The following ZDHHC11 variants were observed in gnomAD, a reference collection of about 807,000 sequenced individuals.
The protein encoded by ZDHHC11 is palmitoyltransferase ZDHHC11.
In ZDHHC11, 44 loss-of-function variants were observed where a neutral mutation model predicts 51.3. The ratio of observed to expected loss-of-function variants is 0.86; its 90% confidence interval spans 0.67 to 1.10. The LOEUF (loss-of-function observed/expected upper bound fraction) is 1.10, where lower values mean the gene tolerates loss of function less well. Among genes scored for constraint, ZDHHC11 ranks in the 50% least tolerant of loss-of-function variants. ZDHHC11 has a pLI of 0.00. For missense variants in ZDHHC11, 400 were observed against 537.7 expected, an observed-to-expected ratio of 0.74 and a Z score of 2.53; for synonymous variants, 163 against 222.0, an observed-to-expected ratio of 0.73 and a Z score of 2.36.
At chr5:808,365 T>C (rs1179160150) in intron 11 of ZDHHC11, among the ~76,000 whole-genome samples, 10 of 151,642 alleles carry the variant, frequency 6.6e-5, no homozygotes, top group Non-Finnish European at 1.5e-4. Flanking sequence ...CTCTCCTCTC[T>C]AGCTCCTCTG....
chr5:840,028 A>G, intron 5 of ZDHHC11: 2 of 593,534 alleles, frequency 3.4e-6, no homozygotes, highest in Non-Finnish European at 6.0e-6. Flanking sequence ...CCACTGTGAG[A>G]CCAAGCAAGA....
chr5:834,891 ATGTGACT>A (rs1184396573), intron 6 of ZDHHC11, among the ~76,000 whole-genome samples: 3 of 151,962 alleles, frequency 2.0e-5, no homozygotes, highest in African/African-American at 7.2e-5. Context: ...CCAGAAATTC[ATGTGACT>A]TGTTTTACTG....
intron 4 of ZDHHC11, chr5:840,901 G>C (rs1744746214): frequency 1.4e-6 from 2 of 1,422,568 alleles, no homozygotes; most frequent in Admixed American, 2.8e-5. Context: ...TAAGTGCCGG[G>C]GTCACAGTGC....
At chr5:797,079 C>A (rs537620843) in intron 12 of ZDHHC11, among the ~76,000 whole-genome samples, 1 of 150,976 alleles carries the variant, frequency 6.6e-6, no homozygotes, top group Admixed American at 6.6e-5. Context: ...TGGTGGTGGG[C>A]AACTGTAGGC....
rs547713374 is a variant in ZDHHC11, at chr5:835,489, C to T, written c.901-1682G>A. 3.4e-3 allele frequency among the ~76,000 whole-genome samples: 506 copies of T among 146,706 alleles called. 6 individuals carry two copies. Among genetic ancestry groups the T allele is most frequent in the Middle Eastern group, 0.024 (7 of 290 alleles). ...CTGTCAGCGCCACCTGTCTTTAGTG[C>T]TACAGCTTTATAGTAACATTTAAAG... On this transcript the variant is annotated intron_variant, in intron 6 of 12. Coordinates refer to ENST00000283441, the MANE Select transcript of ZDHHC11 (RefSeq NM_024786.3).
At chr5:838,616 G>C (rs1744277595) in intron 5 of ZDHHC11, among the ~76,000 whole-genome samples, 1 of 152,162 alleles carries the variant, frequency 6.6e-6, no homozygotes, top group African/African-American at 2.4e-5. Flanking sequence ...GGTGGGGACA[G>C]GCCTGGGCGT....
At chr5:834,857 G>A (rs372281782) in intron 6 of ZDHHC11, among the ~76,000 whole-genome samples, 25 of 151,988 alleles carry the variant, frequency 1.6e-4, no homozygotes, top group Admixed American at 2.6e-4. Context: ...TCATGTAAAC[G>A]TAACTTTTAT....
intron 7 of ZDHHC11, among the ~76,000 whole-genome samples, chr5:829,273 A>T (rs988333849): frequency 6.6e-6 from 1 of 151,390 alleles, no homozygotes; most frequent in African/African-American, 2.4e-5. Context: ...CAAGAAAAGA[A>T]GAGAAAAGAT....
At chr5:858,790 C>T (rs552713635) in intron 1 of ZDHHC11, among the ~76,000 whole-genome samples, 1 of 152,072 alleles carries the variant, frequency 6.6e-6, no homozygotes, top group South Asian at 2.1e-4. Flanking sequence ...TGCTGTGTTG[C>T]CTTTACTGCT....
chr5:858,907 A>C (rs1213149739), exon 1 of ZDHHC11, among the ~76,000 whole-genome samples: 1 of 152,040 alleles, frequency 6.6e-6, no homozygotes, highest in Non-Finnish European at 1.5e-5. Context: ...CACGCCTATC[A>C]CATCACAGGT....
At chr5:851,454 G>T (rs1485426064), upstream of ZDHHC11, among the ~76,000 whole-genome samples, 3 of 152,208 alleles carry the variant, frequency 2.0e-5, no homozygotes, top group Non-Finnish European at 4.4e-5. Context: ...ACAGAGGAGG[G>T]TTAGGAAGCT....
chr5:824,512 AG>A (rs1194470726), intron 8 of ZDHHC11, among the ~76,000 whole-genome samples: 1 of 151,508 alleles, frequency 6.6e-6, no homozygotes, highest in African/African-American at 2.4e-5. Context: ...ACCCCAGAGC[AG>A]GAACAGAAAT....
intron 11 of ZDHHC11, among the ~76,000 whole-genome samples, chr5:803,141 T>A (rs1196638875): frequency 6.6e-6 from 1 of 151,392 alleles, no homozygotes; most frequent in African/African-American, 2.4e-5. Context: ...CCTACATTCT[T>A]GGAGCAGCTG....
intron 8 of ZDHHC11, among the ~76,000 whole-genome samples, chr5:823,187 A>C (rs544655109): frequency 1.4e-4 from 21 of 151,322 alleles, no homozygotes; most frequent in African/African-American, 4.8e-4. Flanking sequence ...ATCAAAGAAG[A>C]GTTTGCCTAA....
In ZDHHC11 at chr5:816,554, T is replaced by C. The variant is rs542577438; in HGVS notation, c.1147-1759A>G. On this transcript the variant is annotated intron_variant, in intron 10 of 12. Transcript: ENST00000283441. Reference sequence around the variant, plus strand: ...TGCCAAAAAGATACTTCTGGAAAAATACAAATACGTGGAGAATTTTTGTCT... The same window carrying C: ...TGCCAAAAAGATACTTCTGGAAAAACACAAATACGTGGAGAATTTTTGTCT... 53 of 586,058 alleles carry C rather than the reference T, an allele frequency of 9.0e-5. No individual in the cohort carries two copies. In the Middle Eastern group the frequency reaches 3.1e-3, roughly 35 times the overall value. The allele number at this position is 586,058 out of a possible 1,614,324, so 36.3% of individuals were successfully genotyped here. A position where few individuals can be genotyped will look rare whatever the true frequency, so the allele number is the denominator to read the frequency against.
In ZDHHC11 at chr5:813,686, C is replaced by T. The variant is rs561466731; in HGVS notation, c.1181+1075G>A. Among the ~76,000 whole-genome samples the T allele has an allele frequency of 1.1e-4, 17 of 150,162 alleles. 2 individuals are homozygous for T. Among genetic ancestry groups the T allele is most frequent in the South Asian group, 4.2e-4 (2 of 4,798 alleles). On this transcript the variant is annotated intron_variant, in intron 11 of 12. Coordinates refer to ENST00000283441, the MANE Select transcript of ZDHHC11 (RefSeq NM_024786.3). ...AGACCCCAGAGGTCCTGGGCCAGGA[C>T]GGCTGCAGCTGCTGTGTGCCCAGAG...
At chr5:841,210 G>T in intron 4 of ZDHHC11, 1 of 1,042,098 alleles carries the variant, frequency 9.6e-7, no homozygotes. Context: ...CTAAGTGCTG[G>T]GGTCACAGTG....
chr5:839,903 A>G, intron 5 of ZDHHC11: 1 of 380,632 alleles, frequency 2.6e-6, no homozygotes, highest in South Asian at 4.2e-5. Context: ...ACCATGACCA[A>G]AACGGCTGGT....
chr5:817,451 G>T (rs1264827280), intron 10 of ZDHHC11, among the ~76,000 whole-genome samples: 1 of 151,412 alleles, frequency 6.6e-6, no homozygotes, highest in Non-Finnish European at 1.5e-5. Context: ...ATTTTTGTGG[G>T]TATGTATATA....
Sources: gnomAD v4.1 joint callset for allele counts (sites outside exome capture counted in the v4.1 genomes callset) on GRCh38, gnomAD v4.1.1 for gene constraint, MANE v1.5 for transcripts, NCBI Gene and HGNC (gene_info 2026-07-23, HGNC 2026-07-21) for gene names.